DEFA5: variants seen among roughly 807,000 people sequenced by gnomAD.
DEFA5 encodes HD5(20-94).
Under a neutral mutation model 8.7 loss-of-function variants are expected in DEFA5, and 11 were observed. The observed-to-expected ratio is 1.26, with a 90% CI of 0.80 to 2.09. The LOEUF (loss-of-function observed/expected upper bound fraction) is 2.09. Ranked by LOEUF, DEFA5 falls within the 30% of genes most tolerant of loss-of-function variation. DEFA5 has a pLI of 0.00. For missense variants in DEFA5, 181 were observed against 117.2 expected (o/e 1.54, Z -2.52); for synonymous variants, 52 against 43.9 (o/e 1.18, Z -0.73).
intron 1 of DEFA5, among the ~76,000 whole-genome samples, chr8:7,056,198 A>G (rs1364047835): frequency 6.6e-6 from 1 of 152,130 alleles, no homozygotes; most frequent in Non-Finnish European, 1.5e-5. Context: ...TCTAGGTTCT[A>G]AAAGCTTTTC....
chr8:7,056,533 T>A lies in DEFA5; in HGVS notation c.165A>T (p.Arg55Ser). The change falls in exon 1 of 2, where the codon AGA becomes AGT. Residue 55 changes from arginine (R) to serine (S), a missense_variant. Physicochemically the swap from Arg to Ser is moderately radical, Grantham distance 110 (BLOSUM62 -1). Transcript: ENST00000330590. ...SFAGNGLSAL[R>S]TSGSQARATC... is the part of the protein sequence containing the mutation. ...AAGATTGATGTCTCCTACCTGAGGTTCTAAGAGCAGAGAGTCCATTTCCTG... is the reference window on the plus strand; with the variant it reads ...AAGATTGATGTCTCCTACCTGAGGTACTAAGAGCAGAGAGTCCATTTCCTG... 1 of 1,609,996 alleles carries A rather than the reference T, an allele frequency of 6.2e-7. No individual in the cohort carries two copies. The highest frequency in any genetic ancestry group is 8.5e-7 in the Non-Finnish European group (1 of 1,176,806).
chr8:7,055,756 G>C (rs1042484728), intron 1 of DEFA5, among the ~76,000 whole-genome samples: 1 of 152,172 alleles, frequency 6.6e-6, no homozygotes, highest in African/African-American at 2.4e-5. Flanking sequence ...AGTCTATCCA[G>C]GATGTATTTA....
chr8:7,056,343 A>G (rs1445378511), intron 1 of DEFA5, among the ~76,000 whole-genome samples, 183 bp downstream of exon 1: 1 of 152,222 alleles, frequency 6.6e-6, no homozygotes, highest in African/African-American at 2.4e-5. Context: ...AAGTCTTAGA[A>G]AAAAGAAAAT....
chr8:7,056,163 A>C (rs1370725536), intron 1 of DEFA5, among the ~76,000 whole-genome samples: 1 of 152,058 alleles, frequency 6.6e-6, no homozygotes, highest in Non-Finnish European at 1.5e-5. Context: ...ATTAGCCTAC[A>C]TCAAAACACA....
rs2272719 is a variant in DEFA5 at position 7,055,509 on chromosome 8, G to A, written c.207C>T (p.Thr69=). ...SQARATCYCR[T]GRCATRESLS... is the part of the protein sequence containing the mutation. ...GGGACTCACGGGTAGCACAACGGCC[G>A]GTTCGGCAATAGCAGGTGGCTCTTG... Residue 69 remains threonine, a synonymous_variant, in exon 2 of 2, where the codon ACC becomes ACT. Coordinates refer to ENST00000330590, the MANE Select transcript of DEFA5 (RefSeq NM_021010.3). 591,433 of 1,611,732 alleles carry A rather than the reference G, an allele frequency of 0.37. 110,914 individuals carry two copies. The highest frequency in any genetic ancestry group is 0.38 in the Non-Finnish European group (448,792 of 1,178,494).
Position 7,055,441 on chromosome 8 carries a change from C to G in DEFA5, c.275G>C (p.Cys92Ser). 6.2e-7 allele frequency: 1 copy of G among 1,613,622 alleles called. No individual in the cohort carries two copies. Among genetic ancestry groups the G allele is most frequent in the Non-Finnish European group, 8.5e-7 (1 of 1,179,756 alleles). The change falls in exon 2 of 2, where the codon TGC (cysteine) becomes TCC (serine). Residue 92 changes from cysteine to serine, a missense_variant. Cys to Ser is a moderately radical substitution (Grantham distance 112, BLOSUM62 -1). Transcript: ENST00000330590. ...CEISGRLYRL[C>S]CR ...TTCTATCTAGGAAGCTCAGCGACAG[C>G]AGAGTCTGTAGAGGCGGCCACTGAT...
rs1812395698 is a variant in DEFA5, at chr8:7,055,637, T to C, written c.173-94A>G. The stretch of plus-strand genomic sequence containing the variant: ...CTGAGATAGTCTAAATAAGAGACAC[T>C]GTATCAGTCATGTTAGGATGGAGAA... On this transcript the variant is annotated intron_variant, in intron 1 of 1. Coordinates refer to ENST00000330590, the MANE Select transcript of DEFA5 (RefSeq NM_021010.3). 3.5e-5 allele frequency: 28 copies of C among 798,448 alleles called. 1 individual carries two copies. The South Asian group carries it at 4.0e-4, about 11-fold the overall frequency. The allele number at this position is 798,448 out of a possible 1,614,324, so 49.5% of individuals were successfully genotyped here. A position where few individuals can be genotyped will look rare whatever the true frequency, so the allele number is the denominator to read the frequency against.
chr8:7,056,014 C>CTTTTTTTTTTTTTTTTTTTTT (rs56220551), intron 1 of DEFA5, among the ~76,000 whole-genome samples: 1 of 112,946 alleles, frequency 8.9e-6, no homozygotes, highest in Non-Finnish European at 1.7e-5. Context: ...TCTGTCTCTC[C>CTTTTTTTTTTTTTTTTTTTTT]TTTTTTTTTT....
intron 1 of DEFA5, 92 bp downstream of exon 1, chr8:7,056,434 A>G: frequency 1.5e-6 from 2 of 1,296,964 alleles, no homozygotes; most frequent in East Asian, 2.4e-5. Context: ...AAGTCACTCA[A>G]GTGAGGTAGA....
In DEFA5 at chr8:7,055,469, C is replaced by T. The variant is rs772513382; in HGVS notation, c.247G>A (p.Glu83Lys). 1.9e-6 allele frequency: 3 copies of T among 1,613,844 alleles called. No individual in the cohort carries two copies. The highest frequency in any genetic ancestry group is 2.5e-6 in the Non-Finnish European group (3 of 1,179,930). ...AGTCTGTAGAGGCGGCCACTGATTT[C>T]ACACACCCCGGAGAGGGACTCACGG... ...ATRESLSGVC[E>K]ISGRLYRLCC... The change falls in exon 2 of 2, where the codon GAA (glutamate) becomes AAA (lysine). Residue 83 changes from glutamate (E) to lysine (K), a missense_variant. Physicochemically the swap from Glu to Lys is moderately conservative, Grantham distance 56. Transcript: ENST00000330590.
Position 7,055,394 on chromosome 8 carries a change from C to T in DEFA5, c.*37G>A. On this transcript the variant is annotated 3_prime_UTR_variant, in exon 2 of 2. Transcript: ENST00000330590. The stretch of plus-strand genomic sequence containing the variant: ...GTTTTTCTTTTTTCAGGACCTTGAA[C>T]TGAATCTTGCACTGCTTTGGTTTCT... The T allele has an allele frequency of 1.3e-6, 2 of 1,529,810 alleles. No individual in the cohort carries two copies. Among genetic ancestry groups the T allele is most frequent in the East Asian group, 2.3e-5 (1 of 44,384 alleles). The allele number at this position is 1,529,810 out of a possible 1,614,324, so 94.8% of individuals were successfully genotyped here.
In DEFA5 at chr8:7,056,592, C is replaced by T. The variant is rs746961735; in HGVS notation, c.106G>A (p.Gly36Arg). Reference sequence around the variant, plus strand: ...ATAGCAAGGTCCTGGTTGTCTTCCCCAGACTGCTTCTGGGTTGTAGCCTCA... The same window carrying T: ...ATAGCAAGGTCCTGGTTGTCTTCCCTAGACTGCTTCTGGGTTGTAGCCTCA... ...ADEATTQKQSGEDNQDLAISF... is the reference protein window; with the variant it reads ...ADEATTQKQSREDNQDLAISF... Residue 36 changes from glycine (G) to arginine (R), a missense_variant, in exon 1 of 2, where the codon GGG becomes AGG. Gly to Arg is a moderately radical substitution (Grantham distance 125, BLOSUM62 -2). Coordinates refer to ENST00000330590, the MANE Select transcript of DEFA5 (RefSeq NM_021010.3). 4 of 1,614,130 alleles carry T rather than the reference C, an allele frequency of 2.5e-6. No individual in the cohort carries two copies. Among genetic ancestry groups the T allele is most frequent in the Non-Finnish European group, 3.4e-6 (4 of 1,179,984 alleles).
At chr8:7,055,655 A>C (rs1812396601) in intron 1 of DEFA5, 112 bp from the exon 2 acceptor site, 1 of 699,122 alleles carries the variant, frequency 1.4e-6, no homozygotes, top group Non-Finnish European at 2.5e-6. Flanking sequence ...TCATGTTAGG[A>C]TGGAGAAAAT....
intron 1 of DEFA5, among the ~76,000 whole-genome samples, chr8:7,056,048 A>C (rs1015155375): frequency 3.2e-5 from 3 of 92,526 alleles, no homozygotes; most frequent in Non-Finnish European, 4.3e-5. Context: ...TTAACATTTT[A>C]CATATTTACT....
rs775506111 is a variant in DEFA5 at position 7,055,484 on chromosome 8, G to A, written c.232C>T (p.Leu78Phe). ...RTGRCATRES[L>F]SGVCEISGRL... is the part of the protein sequence containing the mutation. ...CCACTGATTTCACACACCCCGGAGA[G>A]GGACTCACGGGTAGCACAACGGCCG... The change falls in exon 2 of 2, where the codon CTC becomes TTC. Residue 78 changes from leucine to phenylalanine, a missense_variant. Leu to Phe is a conservative substitution (Grantham distance 22, BLOSUM62 0). Coordinates refer to ENST00000330590, the MANE Select transcript of DEFA5 (RefSeq NM_021010.3). The A allele has an allele frequency of 6.2e-7, 1 of 1,613,858 alleles. No homozygotes were observed. Among genetic ancestry groups the A allele is most frequent in the South Asian group, 1.1e-5 (1 of 91,006 alleles).
chr8:7,056,376 A>G (rs1812430116), intron 1 of DEFA5, 150 bp downstream of exon 1: 2 of 763,552 alleles, frequency 2.6e-6, no homozygotes, highest in Non-Finnish European at 3.9e-6. Flanking sequence ...TTTGGTTCTC[A>G]CTGATTAATT....
At chr8:7,055,814 C>T (rs1166094085) in intron 1 of DEFA5, among the ~76,000 whole-genome samples, 1 of 152,050 alleles carries the variant, frequency 6.6e-6, no homozygotes, top group Non-Finnish European at 1.5e-5. Flanking sequence ...TCAGGGTTAC[C>T]TACTCTTCAT....
intron 1 of DEFA5, among the ~76,000 whole-genome samples, chr8:7,055,753 C>G (rs1281226001): frequency 6.6e-6 from 1 of 152,148 alleles, no homozygotes; most frequent in Non-Finnish European, 1.5e-5. Flanking sequence ...GTGAGTCTAT[C>G]CAGGATGTAT....
chr8:7,056,700 C>G lies in DEFA5; in HGVS notation c.-3G>C. Reference sequence around the variant, plus strand: ...GCAAGGATGGCGATGGTCCTCATGGCTGGGGTCACCTGCAGGAGGGAGAGC... The same window carrying G: ...GCAAGGATGGCGATGGTCCTCATGGGTGGGGTCACCTGCAGGAGGGAGAGC... On this transcript the variant is annotated 5_prime_UTR_variant, in exon 1 of 2. Transcript: ENST00000330590. 2 of 1,607,044 alleles carry G rather than the reference C, an allele frequency of 1.2e-6. No homozygotes were observed.
Sources: allele counts gnomAD v4.1 joint callset (sites outside exome capture counted in the v4.1 genomes callset), GRCh38; gene constraint gnomAD v4.1.1; transcripts MANE v1.5; gene names NCBI Gene and HGNC (gene_info 2026-07-23, HGNC 2026-07-21).